The following MYO3A variants were observed in gnomAD, a reference collection of about 807,000 sequenced individuals.
MYO3A encodes the protein myosin IIIA, also known as myosin-IIIa.
A neutral mutation model predicts 192.7 loss-of-function variants in MYO3A; 180 were observed. That is an observed-to-expected ratio of 0.93 (90% CI 0.83 to 1.06). The LOEUF (loss-of-function observed/expected upper bound fraction) is 1.06, where lower values mean the gene tolerates loss of function less well. Among genes scored for constraint, MYO3A ranks in the 50% least tolerant of loss-of-function variants. The pLI, the probability that MYO3A is intolerant of heterozygous loss-of-function variation, is 0.00. For synonymous variants in MYO3A, 628 were observed against 645.3 expected, an observed-to-expected ratio of 0.97 and a Z score of 0.41; for missense variants, 1,896 against 1,905.0, an observed-to-expected ratio of 1.00 and a Z score of 0.09.
At chr10:26,167,535 T>C (rs1463003066) in intron 27 of MYO3A, among the ~76,000 whole-genome samples, 1 of 152,218 alleles carries the variant, frequency 6.6e-6, no homozygotes, top group Non-Finnish European at 1.5e-5. Context: ...GCAGTTATAG[T>C]TCTGCATGAT....
At chr10:26,150,137 G>T (rs1840714552) in intron 23 of MYO3A, among the ~76,000 whole-genome samples, 1 of 152,030 alleles carries the variant, frequency 6.6e-6, no homozygotes, top group Admixed American at 6.6e-5. Flanking sequence ...GAACAATGCT[G>T]TATCTGTTAA....
At chr10:25,993,061 T>A (rs1314380697) in intron 4 of MYO3A, among the ~76,000 whole-genome samples, 1 of 152,256 alleles carries the variant, frequency 6.6e-6, no homozygotes, top group Non-Finnish European at 1.5e-5. Context: ...TTCTATTGAT[T>A]GGAATAATTT....
At chr10:26,010,428 C>A (rs1841555562) in intron 6 of MYO3A, among the ~76,000 whole-genome samples, 1 of 150,326 alleles carries the variant, frequency 6.7e-6, no homozygotes, top group Admixed American at 6.6e-5. Context: ...TATATAGCAT[C>A]CATGAGATAG....
Position 26,199,776 on chromosome 10 carries a change from A to G in MYO3A, c.4546-1489A>G, listed in dbSNP as rs202135819. Among the ~76,000 whole-genome samples, 24 of 152,314 alleles carry G rather than the reference A, an allele frequency of 1.6e-4. No individual in the cohort carries two copies. In the East Asian group the frequency reaches 3.3e-3, roughly 21 times the overall value. The stretch of plus-strand genomic sequence containing the variant: ...CATTATTTGATTCTTGGTTATATAA[A>G]GGGCATCTCTGTCACTCAACATAGT... On this transcript the variant is annotated intron_variant, in intron 32 of 34. Transcript: ENST00000642920.
Position 26,070,181 on chromosome 10 carries a change from G to A in MYO3A, c.1241G>A (p.Gly414Glu). ...CACATTTTTGCAATGGCTGACTTAGGATATCAATCTATGATAACATATAAT... is the reference window on the plus strand; with the variant it reads ...CACATTTTTGCAATGGCTGACTTAGAATATCAATCTATGATAACATATAAT... ...PPHIFAMADL[G>E]YQSMITYNSD... The change falls in exon 13 of 35, where the codon GGA (glycine) becomes GAA (glutamate). Residue 414 changes from glycine (G) to glutamate (E), a missense_variant. Coordinates refer to ENST00000642920, the MANE Select transcript of MYO3A (RefSeq NM_017433.5). 1.9e-6 allele frequency: 3 copies of A among 1,611,718 alleles called. No homozygotes were observed. The highest frequency in any genetic ancestry group is 2.2e-5 in the East Asian group (1 of 44,772).
intron 14 of MYO3A, among the ~76,000 whole-genome samples, chr10:26,086,599 C>T (rs918526794): frequency 2.6e-5 from 4 of 151,834 alleles, no homozygotes; most frequent in South Asian, 2.1e-4. Flanking sequence ...GTGACCCTTT[C>T]GGGAGTGGAA....
intron 14 of MYO3A, among the ~76,000 whole-genome samples, chr10:26,071,094 C>T (rs148741233): frequency 2.6e-5 from 4 of 151,948 alleles, no homozygotes; most frequent in African/African-American, 9.6e-5. Context: ...CTAGAATAAC[C>T]AAACAATCTT....
At chr10:26,036,782 A>G (rs1011444485) in intron 10 of MYO3A, among the ~76,000 whole-genome samples, 4 of 152,292 alleles carry the variant, frequency 2.6e-5, no homozygotes, top group South Asian at 2.1e-4. Context: ...TGAACCTGCT[A>G]TGCATCTTGA....
At chr10:26,176,638 G>C in intron 30 of MYO3A, 63 bp from the exon 31 acceptor site, 3 of 1,491,466 alleles carry the variant, frequency 2.0e-6, no homozygotes, top group Non-Finnish European at 2.8e-6. Flanking sequence ...CCAGCCCCCG[G>C]TGCCTGCAGA....
In MYO3A at chr10:26,128,539, G is replaced by T. The variant is rs1389487695; in HGVS notation, c.2262+1G>T. 1.2e-6 allele frequency: 2 copies of T among 1,606,120 alleles called. No homozygotes were observed. The highest frequency in any genetic ancestry group is 1.7e-6 in the Non-Finnish European group (2 of 1,174,356). Reference sequence around the variant, plus strand: ...TCAACATGTGTTTGCATGGGAACAGGTAAGTCTAAGTACTTACTATAAATA... The same window carrying T: ...TCAACATGTGTTTGCATGGGAACAGTTAAGTCTAAGTACTTACTATAAATA... On this transcript the variant is annotated splice_donor_variant, in intron 20 of 34. Transcript: ENST00000642920. LOFTEE classifies it high-confidence loss of function.
At chr10:26,155,077 CA>C (rs1841033345) in intron 25 of MYO3A, among the ~76,000 whole-genome samples, 2 of 152,184 alleles carry the variant, frequency 1.3e-5, no homozygotes. Flanking sequence ...GTCCATAGAA[CA>C]GAATGCATTT....
intron 28 of MYO3A, 43 bp downstream of exon 28, chr10:26,168,917 C>T (rs1283093582): frequency 6.4e-7 from 1 of 1,558,034 alleles, no homozygotes; most frequent in Non-Finnish European, 8.8e-7. Context: ...AAAATCAAAT[C>T]TTATAATACT....
At chr10:26,000,447 G>T (rs1309703548) in intron 6 of MYO3A, among the ~76,000 whole-genome samples, 1 of 151,954 alleles carries the variant, frequency 6.6e-6, no homozygotes, top group Non-Finnish European at 1.5e-5. Flanking sequence ...AATGCAAATT[G>T]CAAAAAAAAT....
At chr10:25,974,527 C>A (rs568512891) in intron 4 of MYO3A, among the ~76,000 whole-genome samples, 4 of 152,302 alleles carry the variant, frequency 2.6e-5, no homozygotes, top group Admixed American at 2.6e-4. Context: ...TCTGGGCCAA[C>A]TCTCTGAGCC....
At chr10:26,195,581 G>A (rs1339060995) in intron 32 of MYO3A, among the ~76,000 whole-genome samples, 1 of 152,182 alleles carries the variant, frequency 6.6e-6, no homozygotes, top group Non-Finnish European at 1.5e-5. Context: ...CTCTGTGCTT[G>A]ATATTCATTC....
Position 26,168,884 on chromosome 10 carries a change from T to C in MYO3A, c.3274+10T>C, listed in dbSNP as rs368193789. 14 of 1,603,448 alleles carry C rather than the reference T, an allele frequency of 8.7e-6. No individual in the cohort carries two copies. The African/African-American group carries it at 1.5e-4, about 17-fold the overall frequency. On this transcript the variant is annotated intron_variant, in intron 28 of 34. Coordinates refer to ENST00000642920, the MANE Select transcript of MYO3A (RefSeq NM_017433.5). The stretch of plus-strand genomic sequence containing the variant: ...ATAATAATACAGTCAGGTAATCTCT[T>C]TGACATATTTAGATATGGTCATAAA...
chr10:25,938,592 G>C (rs1477037452), intron 2 of MYO3A, among the ~76,000 whole-genome samples: 1 of 152,204 alleles, frequency 6.6e-6, no homozygotes, highest in Non-Finnish European at 1.5e-5. Flanking sequence ...TAATCCTTAT[G>C]TGATGCAGTG....
chr10:26,166,264 T>C, intron 27 of MYO3A, 86 bp downstream of exon 27: 1 of 1,181,924 alleles, frequency 8.5e-7, no homozygotes, highest in East Asian at 2.4e-5. Context: ...TTTGAAAGTA[T>C]GGTTTTTTTA....
chr10:26,039,279 C>T (rs72793950), intron 10 of MYO3A, among the ~76,000 whole-genome samples: 24,544 of 136,674 alleles, frequency 0.18, 2,321 homozygotes, highest in Non-Finnish European at 0.21. Flanking sequence ...AGGCTAGTAT[C>T]GAATTCCCAA....
Sources: allele counts gnomAD v4.1 joint callset (sites outside exome capture counted in the v4.1 genomes callset), GRCh38; gene constraint gnomAD v4.1.1; transcripts MANE v1.5; gene names NCBI Gene and HGNC (gene_info 2026-07-23, HGNC 2026-07-21).